NYAP2: variants seen among roughly 807,000 people sequenced by gnomAD.
NYAP2 encodes neuronal tyrosine-phosphorylated phosphoinositide-3-kinase adapter 2.
A neutral mutation model predicts 50.4 loss-of-function variants in NYAP2; 23 were observed. The ratio of observed to expected loss-of-function variants is 0.46; its 90% CI spans 0.33 to 0.65. The LOEUF (loss-of-function observed/expected upper bound fraction) is 0.65. NYAP2 is among the 30% of genes least tolerant of loss of function. The probability of loss-of-function intolerance (pLI) is 0.02; values close to 1 mark genes in which losing one functional copy is unlikely to be tolerated. For synonymous variants in NYAP2, 394 were observed against 365.2 expected, an observed-to-expected ratio of 1.08 and a Z score of -0.90; for missense variants, 885 against 861.0, an observed-to-expected ratio of 1.03 and a Z score of -0.35.
intron 3 of NYAP2, among the ~76,000 whole-genome samples, chr2:225,487,215 C>A (rs987007375): frequency 6.6e-6 from 1 of 152,152 alleles, no homozygotes. Context: ...AGTATTTCGG[C>A]AGGAAGTAAA....
At chr2:225,647,063 T>A (rs1367284335) in intron 6 of NYAP2, among the ~76,000 whole-genome samples, 4 of 152,166 alleles carry the variant, frequency 2.6e-5, no homozygotes, top group Non-Finnish European at 4.4e-5. Flanking sequence ...TCTGGTTAGA[T>A]AATCTTTTTT....
At chr2:225,575,514 G>A (rs1211361676) in intron 4 of NYAP2, among the ~76,000 whole-genome samples, 3 of 152,166 alleles carry the variant, frequency 2.0e-5, no homozygotes, top group Non-Finnish European at 2.9e-5. Flanking sequence ...GCAGATGTGG[G>A]GGCCACTGGG....
chr2:225,444,360 A>G (rs1344506197), intron 3 of NYAP2, among the ~76,000 whole-genome samples: 4 of 152,178 alleles, frequency 2.6e-5, no homozygotes, highest in Non-Finnish European at 5.9e-5. Flanking sequence ...TACACACATC[A>G]TCTGTATCTC....
intron 3 of NYAP2, among the ~76,000 whole-genome samples, chr2:225,431,243 A>G (rs902610676): frequency 6.6e-6 from 1 of 152,264 alleles, no homozygotes; most frequent in African/African-American, 2.4e-5. Flanking sequence ...CTTGGATCAA[A>G]TACATCACAG....
intron 5 of NYAP2, among the ~76,000 whole-genome samples, chr2:225,624,492 G>A (rs1275556635): frequency 6.6e-6 from 1 of 152,152 alleles, no homozygotes; most frequent in Non-Finnish European, 1.5e-5. Context: ...TACATGGGTG[G>A]TTGTTTAGCT....
chr2:225,428,430 T>C (rs750656688), intron 3 of NYAP2, among the ~76,000 whole-genome samples: 5 of 152,208 alleles, frequency 3.3e-5, no homozygotes, highest in Admixed American at 6.5e-5. Context: ...TCAGCAAATA[T>C]TTTCAGATAG....
chr2:225,680,745 G>C, the NYAP2 span, among the ~76,000 whole-genome samples: 44 of 151,938 alleles, frequency 2.9e-4, no homozygotes, highest in Non-Finnish European at 4.0e-4. Context: ...CAAAAGATGA[G>C]GATTTGTTTA....
chr2:225,562,189 C>A (rs1286677624), intron 4 of NYAP2, among the ~76,000 whole-genome samples: 1 of 152,048 alleles, frequency 6.6e-6, no homozygotes, highest in Non-Finnish European at 1.5e-5. Context: ...ATGGTAAATT[C>A]ACTGGGGGAA....
rs532474496 is a variant in NYAP2 at position 225,517,427 on chromosome 2, G to T, written c.523+3755G>T. Among the ~76,000 whole-genome samples the T allele has an allele frequency of 1.3e-5, 2 of 152,240 alleles. 1 individual carries two copies. Among genetic ancestry groups the T allele is most frequent in the South Asian group, 4.1e-4 (2 of 4,826 alleles). ...CCATTCCTCAGGTAAACACATAGCC[G>T]ATTCCTCAATAATGTCATTGTTAGA... On this transcript the variant is annotated intron_variant, in intron 4 of 6. Coordinates refer to ENST00000636099, the Ensembl canonical transcript of NYAP2.
intron 3 of NYAP2, among the ~76,000 whole-genome samples, chr2:225,462,289 G>T (rs1474941233): frequency 6.6e-6 from 1 of 152,166 alleles, no homozygotes; most frequent in Non-Finnish European, 1.5e-5. Flanking sequence ...TAAGAATGAT[G>T]AAAATGTGGA....
intron 4 of NYAP2, among the ~76,000 whole-genome samples, chr2:225,530,400 A>G (rs1326728602): frequency 6.6e-6 from 1 of 152,128 alleles, no homozygotes; most frequent in Non-Finnish European, 1.5e-5. Context: ...CCATGACACT[A>G]AATTGAATCT....
intron 2 of NYAP2, among the ~76,000 whole-genome samples, chr2:225,406,968 T>C (rs1337111109): frequency 1.3e-5 from 2 of 152,034 alleles, no homozygotes; most frequent in East Asian, 1.9e-4. Flanking sequence ...CCTTATTCAA[T>C]TGGGAAATAT....
intron 3 of NYAP2, among the ~76,000 whole-genome samples, chr2:225,490,725 A>T (rs1315322940): frequency 6.6e-6 from 1 of 152,230 alleles, no homozygotes; most frequent in Non-Finnish European, 1.5e-5. Flanking sequence ...GCCTGATGAG[A>T]CACATTGCAA....
chr2:225,548,897 T>TTTG (rs1452298464), intron 4 of NYAP2, among the ~76,000 whole-genome samples: 5 of 152,030 alleles, frequency 3.3e-5, no homozygotes, highest in African/African-American at 7.3e-5. Flanking sequence ...TTTTTTTTTT[T>TTTG]TTTGAGGCAG....
chr2:225,661,125 T>C, the NYAP2 span, among the ~76,000 whole-genome samples: 1 of 152,222 alleles, frequency 6.6e-6, no homozygotes, highest in African/African-American at 2.4e-5. Context: ...TCCATTAACA[T>C]GTTTGAAACA....
chr2:225,671,490 A>G, the NYAP2 span, among the ~76,000 whole-genome samples: 56 of 152,236 alleles, frequency 3.7e-4, no homozygotes, highest in South Asian at 7.5e-3. Context: ...TTTTCTTGTT[A>G]TAATTTCCAC....
At chr2:225,486,615 C>T (rs751219641) in intron 3 of NYAP2, among the ~76,000 whole-genome samples, 14 of 152,294 alleles carry the variant, frequency 9.2e-5, no homozygotes, top group East Asian at 3.9e-4. Flanking sequence ...AAATAACCTC[C>T]GGGTTTGTTT....
intron 3 of NYAP2, among the ~76,000 whole-genome samples, chr2:225,442,820 C>A (rs1389147148): frequency 1.3e-5 from 2 of 152,172 alleles, no homozygotes; most frequent in Non-Finnish European, 2.9e-5. Context: ...AGGTAATCCA[C>A]CTGCCTTGGC....
chr2:225,446,382 A>G (rs868728194), intron 3 of NYAP2, among the ~76,000 whole-genome samples: 2 of 151,604 alleles, frequency 1.3e-5, no homozygotes, highest in Non-Finnish European at 1.5e-5. Context: ...TACTAAAACA[A>G]AAAATACTCT....
Sources: gnomAD v4.1 joint callset for allele counts (sites outside exome capture counted in the v4.1 genomes callset) on GRCh38, gnomAD v4.1.1 for gene constraint, MANE v1.5 for transcripts, NCBI Gene and HGNC (gene_info 2026-07-23, HGNC 2026-07-21) for gene names.